AKAP12: variants seen among roughly 807,000 people sequenced by gnomAD.
AKAP12 encodes A-kinase anchoring protein 12.
In AKAP12, 32 loss-of-function variants were observed where a neutral mutation model predicts 79.9. That is an observed-to-expected ratio of 0.40 (90% CI 0.30 to 0.54). The LOEUF is 0.54. AKAP12 is among the 20% of genes least tolerant of loss of function. The probability of loss-of-function intolerance (pLI) is 0.48; values close to 1 mark genes in which losing one functional copy is unlikely to be tolerated. For missense variants in AKAP12, 2,074 were observed against 2,177.0 expected, an observed-to-expected ratio of 0.95 and a Z score of 0.94; for synonymous variants, 808 against 857.0, an observed-to-expected ratio of 0.94 and a Z score of 1.00.
intron 2 of AKAP12, among the ~76,000 whole-genome samples, chr6:151,305,133 G>C (rs935653990): frequency 6.6e-6 from 1 of 150,988 alleles, no homozygotes; most frequent in African/African-American, 2.4e-5. Context: ...TGCTTCCTCA[G>C]AGAAGTCCTG....
chr6:151,266,887 C>G (rs1037116575), intron 2 of AKAP12, among the ~76,000 whole-genome samples: 8 of 151,680 alleles, frequency 5.3e-5, no homozygotes, highest in African/African-American at 1.9e-4. Flanking sequence ...ATGTATGTGG[C>G]TGAAGGTTGA....
chr6:151,326,489 T>TAAAAAAA (rs746340831), intron 3 of AKAP12, among the ~76,000 whole-genome samples: 6 of 80,286 alleles, frequency 7.5e-5, no homozygotes, highest in Admixed American at 1.3e-4. Context: ...CAACAAATAG[T>TAAAAAAA]AAAAAAAAAA....
chr6:151,353,393 G>A lies in AKAP12; in HGVS notation c.5002G>A (p.Gly1668Ser). The stretch of plus-strand genomic sequence containing the variant: ...CGTCCTCCCATCTGAGGAAGAGGGA[G>A]GTGGAGCTGGAACAAAGTCTGTGCC... ...EVVLPSEEEGGGAGTKSVPED... is the reference protein window; with the variant it reads ...EVVLPSEEEGSGAGTKSVPED... Residue 1668 changes from glycine to serine, a missense_variant, in exon 4 of 5, where the codon GGT becomes AGT. Coordinates refer to ENST00000402676, the MANE Select transcript of AKAP12 (RefSeq NM_005100.4). 3.1e-6 allele frequency: 5 copies of A among 1,614,202 alleles called. No homozygotes were observed. Among genetic ancestry groups the A allele is most frequent in the Non-Finnish European group, 4.2e-6 (5 of 1,180,028 alleles).
intron 2 of AKAP12, chr6:151,280,557 T>C (rs749019262): frequency 2.0e-5 from 3 of 151,990 alleles, no homozygotes; most frequent in Non-Finnish European, 4.4e-5. Flanking sequence ...CATCTTTGAG[T>C]AGGGGCCATG....
Position 151,349,419 on chromosome 6 carries a change from C to T in AKAP12, c.1028C>T (p.Ala343Val), listed in dbSNP as rs1448263672. Residue 343 changes from alanine (A) to valine (V), a missense_variant, in exon 4 of 5, where the codon GCA becomes GTA. Physicochemically the swap from Ala to Val is moderately conservative, Grantham distance 64 (BLOSUM62 0). Transcript: ENST00000402676. Reference protein sequence around the residue: ...EKVDTEEDGKAEVASEKLTAS... With the variant: ...EKVDTEEDGKVEVASEKLTAS... ...GTAGACACAGAAGAAGACGGAAAGG[C>T]AGAGGTTGCCTCCGAGAAACTGACC... 2 of 1,611,420 alleles carry T rather than the reference C, an allele frequency of 1.2e-6. No homozygotes were observed. Among genetic ancestry groups the T allele is most frequent in the Admixed American group, 1.7e-5 (1 of 59,002 alleles).
At chr6:151,318,015 A>T (rs1400128795) in intron 3 of AKAP12, among the ~76,000 whole-genome samples, 1 of 152,240 alleles carries the variant, frequency 6.6e-6, no homozygotes, top group East Asian at 1.9e-4. Flanking sequence ...GTGTAAGCTT[A>T]GCATTATGGA....
intron 3 of AKAP12, chr6:151,325,353 A>G (rs1019170209): frequency 1.0e-6 from 1 of 985,328 alleles, no homozygotes; most frequent in Non-Finnish European, 1.2e-6. Flanking sequence ...GAGATACAGA[A>G]GTATTAGTAA....
At chr6:151,256,601 T>TA in intron 2 of AKAP12, among the ~76,000 whole-genome samples, 1 of 152,242 alleles carries the variant, frequency 6.6e-6, no homozygotes, top group South Asian at 2.1e-4. Flanking sequence ...TTGTATTTTT[T>TA]ATATATGTGT....
rs112053514 is a variant in AKAP12, at chr6:151,248,267, ATTTT to A, written c.162+7557_162+7560del. ...CAATCTCAGGGTCTGGGATTCTGTG[ATTTT>A]TTTTTTTTTTTTTGAGAGACAGGGT... On this transcript the variant is annotated intron_variant, in intron 2 of 4. Transcript: ENST00000402676. Among the ~76,000 whole-genome samples, 393 of 140,810 alleles carry A rather than the reference ATTTT, an allele frequency of 2.8e-3. 2 individuals are homozygous for A. Among genetic ancestry groups the A allele is most frequent in the African/African-American group, 9.2e-3 (348 of 38,012 alleles). The allele number at this position is 140,810 out of a possible 152,430, so 92.4% of individuals were successfully genotyped here. A position where few individuals can be genotyped will look rare whatever the true frequency, so the allele number is the denominator to read the frequency against.
chr6:151,330,372 G>A (rs2114792671), intron 3 of AKAP12, among the ~76,000 whole-genome samples: 1 of 152,248 alleles, frequency 6.6e-6, no homozygotes, highest in East Asian at 1.9e-4. Context: ...TTATGAATTT[G>A]CATATATCTC....
chr6:151,314,393 G>A (rs184812636), intron 3 of AKAP12, among the ~76,000 whole-genome samples: 2 of 152,122 alleles, frequency 1.3e-5, no homozygotes, highest in Non-Finnish European at 2.9e-5. Flanking sequence ...AAAAGTTCAA[G>A]GGGGGAATTT....
Position 151,256,948 on chromosome 6 carries a change from C to CTATATATATATATATATATA in AKAP12, c.162+16238_162+16239insTATATATATATATATATATA, listed in dbSNP as rs57384016. On this transcript the variant is annotated intron_variant, in intron 2 of 4. Transcript: ENST00000402676. ...ACAGGCGTGAGCCACCGCGCCCGGC[C>CTATATATATATATATATATA]TATATATATATATAAACTTTAAATT... 3.2e-4 allele frequency among the ~76,000 whole-genome samples: 46 copies of CTATATATATATATATATATA among 145,868 alleles called. 1 individual carries two copies. Among genetic ancestry groups the CTATATATATATATATATATA allele is most frequent in the African/African-American group, 3.9e-4 (15 of 38,924 alleles).
chr6:151,273,827 A>G (rs1776238546), intron 2 of AKAP12, among the ~76,000 whole-genome samples: 1 of 152,078 alleles, frequency 6.6e-6, no homozygotes, highest in African/African-American at 2.4e-5. Context: ...CAGGAGTTCA[A>G]GACCAGCCTG....
At position 151,261,272 on chromosome 6, in the gene AKAP12, T is replaced by C. The variant is rs62441501; in HGVS notation, c.162+20548T>C. On this transcript the variant is annotated intron_variant, in intron 2 of 4. Transcript: ENST00000402676. ...GTGGGCGCCTGCAATCTCAGGAGGCTGAGGCAGGAGAATCGTTTGAACCGG... is the reference window on the plus strand; with the variant it reads ...GTGGGCGCCTGCAATCTCAGGAGGCCGAGGCAGGAGAATCGTTTGAACCGG... Among the ~76,000 whole-genome samples, 1,010 of 151,870 alleles carry C rather than the reference T, an allele frequency of 6.7e-3. 6 individuals carry two copies. Among genetic ancestry groups the C allele is most frequent in the Non-Finnish European group, 0.011 (769 of 67,998 alleles).
chr6:151,345,918 T>A (rs1778084677), intron 3 of AKAP12, among the ~76,000 whole-genome samples: 1 of 137,932 alleles, frequency 7.2e-6, no homozygotes, highest in Admixed American at 7.4e-5. Context: ...TGTGTGTGTG[T>A]GTGTGTGTGT....
chr6:151,344,644 C>T (rs1778041356), intron 3 of AKAP12, among the ~76,000 whole-genome samples: 1 of 152,092 alleles, frequency 6.6e-6, no homozygotes, highest in South Asian at 2.1e-4. Context: ...AGAGATTCTC[C>T]TGCCTCAGCC....
chr6:151,320,915 C>G (rs1409670160), intron 3 of AKAP12, among the ~76,000 whole-genome samples: 1 of 152,108 alleles, frequency 6.6e-6, no homozygotes, highest in Admixed American at 6.5e-5. Context: ...GTACACAGTT[C>G]AGTGGTTTTT....
At position 151,275,296 on chromosome 6, in the gene AKAP12, C is replaced by T. The variant is rs370225462; in HGVS notation, c.163-30451C>T. Among the ~76,000 whole-genome samples the T allele has an allele frequency of 3.4e-4, 51 of 152,108 alleles. No individual in the cohort carries two copies. In the East Asian group the frequency reaches 6.4e-3, roughly 19 times the overall value. On this transcript the variant is annotated intron_variant, in intron 2 of 4. Coordinates refer to ENST00000402676, the MANE Select transcript of AKAP12 (RefSeq NM_005100.4). ...ATTTGAAAGGCGAGAGGTTTGCATT[C>T]GAGAGAGGCTGGGGCTTGATGGTGT...
chr6:151,353,494 T>C lies in AKAP12; in HGVS notation c.5103T>C (p.Gly1701=). 6.2e-7 allele frequency: 1 copy of C among 1,614,028 alleles called. No homozygotes were observed. Among genetic ancestry groups the C allele is most frequent in the Non-Finnish European group, 8.5e-7 (1 of 1,180,014 alleles). The stretch of plus-strand genomic sequence containing the variant: ...TTGAACCGAAAGAAGATGAAAAAGG[T>C]GATGATGTTGATGACCCTGAAAACC... ...SLVEPKEDEK[G]DDVDDPENQN... Residue 1701 remains glycine, a synonymous_variant, in exon 4 of 5, where the codon GGT becomes GGC. Coordinates refer to ENST00000402676, the MANE Select transcript of AKAP12 (RefSeq NM_005100.4).
Sources: allele counts gnomAD v4.1 joint callset (sites outside exome capture counted in the v4.1 genomes callset), GRCh38; gene constraint gnomAD v4.1.1; transcripts MANE v1.5; gene names NCBI Gene and HGNC (gene_info 2026-07-23, HGNC 2026-07-21).